The following FANCC variants were observed in gnomAD, a reference collection of about 807,000 sequenced individuals.
The protein encoded by FANCC is FA complementation group C.
In FANCC, 55 loss-of-function variants were observed where a neutral mutation model predicts 71.3. That is an observed-to-expected ratio of 0.77 (90% confidence interval 0.62 to 0.97). The LOEUF (loss-of-function observed/expected upper bound fraction) is 0.97, where lower values mean the gene tolerates loss of function less well. Ranked by LOEUF, FANCC falls within the 50% of genes least tolerant of loss-of-function variation. FANCC has a pLI of 0.00. For synonymous variants in FANCC, 275 were observed against 244.9 expected (o/e 1.12, Z -1.15); for missense variants, 678 against 670.9 (o/e 1.01, Z -0.12).
At chr9:95,115,456 G>C (rs2072323759) in intron 11 of FANCC, among the ~76,000 whole-genome samples, 1 of 152,160 alleles carries the variant, frequency 6.6e-6, no homozygotes, top group South Asian at 2.1e-4. Context: ...TGCTTTCCTA[G>C]GGCTGTGATG....
chr9:95,314,652 C>CAA (rs200355051), intron 1 of FANCC, among the ~76,000 whole-genome samples: 4 of 136,758 alleles, frequency 2.9e-5, no homozygotes, highest in African/African-American at 8.2e-5. Context: ...GACTCTGTCT[C>CAA]AAAAAAAAAA....
chr9:95,217,631 G>T (rs181110363), intron 4 of FANCC, among the ~76,000 whole-genome samples: 1 of 151,996 alleles, frequency 6.6e-6, no homozygotes, highest in Non-Finnish European at 1.5e-5. Flanking sequence ...AGCGACTGAG[G>T]GAAATTTATA....
At chr9:95,251,798 A>T (rs1178569747) in intron 1 of FANCC, among the ~76,000 whole-genome samples, 1 of 152,232 alleles carries the variant, frequency 6.6e-6, no homozygotes, top group African/African-American at 2.4e-5. Flanking sequence ...TAATTTAATC[A>T]TTACAGCAAC....
At chr9:95,288,502 C>T (rs1833820448) in intron 1 of FANCC, among the ~76,000 whole-genome samples, 1 of 152,190 alleles carries the variant, frequency 6.6e-6, no homozygotes, top group African/African-American at 2.4e-5. Context: ...TACTTTAATA[C>T]AAGTGTCCAT....
Position 95,100,019 on chromosome 9 carries a change from C to T in FANCC, c.*1688G>A, listed in dbSNP as rs1392804244. ...CAGTGGCCCCTCTCTCTAGGGGTTC[C>T]CTGCTGCCACCATGTCCACAGAGGA... is the stretch of plus-strand genomic sequence containing the variant. On this transcript the variant is annotated 3_prime_UTR_variant, in exon 15 of 15. Coordinates refer to ENST00000289081, the MANE Select transcript of FANCC (RefSeq NM_000136.3). 4.3e-6 allele frequency: 1 copy of T among 232,232 alleles called. No individual in the cohort carries two copies. Among genetic ancestry groups the T allele is most frequent in the Non-Finnish European group, 8.5e-6 (1 of 117,504 alleles). 14.4% of individuals were successfully genotyped at this position (232,232 alleles called of 1,614,324 possible).
In FANCC at chr9:95,272,445, G is replaced by A. The variant is rs189115621; in HGVS notation, c.-78-23076C>T. ...CCACTAAAATGAACATAAGTTAGCC[G>A]GCTGCAGTTGAGAGGCCAAGCGGGT... On this transcript the variant is annotated intron_variant, in intron 1 of 14. Transcript: ENST00000289081. 3.2e-4 allele frequency among the ~76,000 whole-genome samples: 48 copies of A among 152,172 alleles called. No homozygotes were observed. The East Asian group carries it at 5.0e-3, about 16-fold the overall frequency.
intron 5 of FANCC, among the ~76,000 whole-genome samples, chr9:95,171,497 A>C (rs1366815549): frequency 6.6e-6 from 1 of 152,184 alleles, no homozygotes; most frequent in Non-Finnish European, 1.5e-5. Context: ...AAAGCTTCCA[A>C]AACACCGGAA....
At chr9:95,200,839 C>T (rs1253378307) in intron 4 of FANCC, among the ~76,000 whole-genome samples, 1 of 152,102 alleles carries the variant, frequency 6.6e-6, no homozygotes, top group Non-Finnish European at 1.5e-5. Flanking sequence ...AAAAAATATA[C>T]TCACCTAAGG....
At chr9:95,112,275 G>A (rs1199713318) in intron 12 of FANCC, among the ~76,000 whole-genome samples, 2 of 152,242 alleles carry the variant, frequency 1.3e-5, no homozygotes, top group Non-Finnish European at 2.9e-5. Context: ...CTCCCTTGGA[G>A]AGGATGGAAC....
At chr9:95,106,048 T>C (rs1331010786) in intron 14 of FANCC, among the ~76,000 whole-genome samples, 1 of 152,130 alleles carries the variant, frequency 6.6e-6, no homozygotes, top group Non-Finnish European at 1.5e-5. Flanking sequence ...ACCCCATTCT[T>C]CTCCACAGTA....
chr9:95,286,950 T>A (rs1009225997), intron 1 of FANCC, among the ~76,000 whole-genome samples: 2 of 152,256 alleles, frequency 1.3e-5, no homozygotes, highest in South Asian at 4.2e-4. Context: ...TATACTAAGG[T>A]TATTAGAGGA....
chr9:95,272,527 C>T (rs1832801008), intron 1 of FANCC, among the ~76,000 whole-genome samples: 1 of 151,962 alleles, frequency 6.6e-6, no homozygotes, highest in African/African-American at 2.4e-5. Context: ...GAAACCCTGT[C>T]ACTACTAAAA....
At chr9:95,187,206 C>T (rs1164479909) in intron 4 of FANCC, among the ~76,000 whole-genome samples, 1 of 152,220 alleles carries the variant, frequency 6.6e-6, no homozygotes, top group Non-Finnish European at 1.5e-5. Flanking sequence ...GCGTTACGCA[C>T]TCCCAGCACG....
At position 95,272,478 on chromosome 9, in the gene FANCC, T is replaced by C. The variant is rs375080989; in HGVS notation, c.-78-23109A>G. ...TTGAGAGGCCAAGCGGGTGGATCACTTGAGGCCAGGAACTCGAGCCCAGCC... is the reference window on the plus strand; with the variant it reads ...TTGAGAGGCCAAGCGGGTGGATCACCTGAGGCCAGGAACTCGAGCCCAGCC... On this transcript the variant is annotated intron_variant, in intron 1 of 14. Coordinates refer to ENST00000289081, the MANE Select transcript of FANCC (RefSeq NM_000136.3). Among the ~76,000 whole-genome samples, 44 of 152,182 alleles carry C rather than the reference T, an allele frequency of 2.9e-4. 1 individual carries two copies. In the South Asian group the frequency reaches 7.9e-3, roughly 27 times the overall value.
chr9:95,103,028 G>A (rs779122006), intron 14 of FANCC, among the ~76,000 whole-genome samples: 16 of 152,176 alleles, frequency 1.1e-4, no homozygotes, highest in Non-Finnish European at 1.9e-4. Context: ...AGAAATGACA[G>A]GCACATAGTG....
chr9:95,283,926 G>T (rs1241965580), intron 1 of FANCC, among the ~76,000 whole-genome samples: 1 of 152,158 alleles, frequency 6.6e-6, no homozygotes, highest in African/African-American at 2.4e-5. Context: ...AAGTTATTTT[G>T]CCAGTCTATG....
intron 3 of FANCC, among the ~76,000 whole-genome samples, chr9:95,242,133 T>C (rs187224229): frequency 6.6e-6 from 1 of 152,320 alleles, no homozygotes; most frequent in East Asian, 1.9e-4. Context: ...CTAACATCTC[T>C]GAAAAAACTT....
intron 4 of FANCC, among the ~76,000 whole-genome samples, chr9:95,235,713 G>A (rs1042175385): frequency 5.9e-5 from 9 of 151,780 alleles, no homozygotes; most frequent in African/African-American, 1.2e-4. Context: ...GTGTGGTGGC[G>A]CATGCCTGTA....
chr9:95,121,752 T>C (rs2072896696), intron 10 of FANCC, among the ~76,000 whole-genome samples: 1 of 152,172 alleles, frequency 6.6e-6, no homozygotes, highest in Non-Finnish European at 1.5e-5. Flanking sequence ...GTTTGTTTTA[T>C]ATAGTGCAAA....
Sources: allele counts gnomAD v4.1 joint callset (sites outside exome capture counted in the v4.1 genomes callset), GRCh38; gene constraint gnomAD v4.1.1; transcripts MANE v1.5; gene names NCBI Gene and HGNC (gene_info 2026-07-23, HGNC 2026-07-21).